The following FOCAD variants were observed in gnomAD, a reference collection of about 807,000 sequenced individuals.
The protein encoded by FOCAD is focadhesin.
Under a neutral mutation model 225.6 loss-of-function variants are expected in FOCAD, and 198 were observed. The observed-to-expected ratio is 0.88, with a 90% CI of 0.78 to 0.99. The LOEUF (loss-of-function observed/expected upper bound fraction) is 0.99. FOCAD is among the 50% of genes least tolerant of loss of function. The pLI is 0.00. For synonymous variants in FOCAD, 897 were observed against 755.0 expected, an observed-to-expected ratio of 1.19 and a Z score of -3.08; for missense variants, 2,713 against 2,123.6, an observed-to-expected ratio of 1.28 and a Z score of -5.46.
At chr9:20,880,879 T>G (rs1026675713) in intron 19 of FOCAD, among the ~76,000 whole-genome samples, 1 of 152,220 alleles carries the variant, frequency 6.6e-6, no homozygotes, top group Non-Finnish European at 1.5e-5. Context: ...TTTGTTTTTT[T>G]GTTTGTTTCT....
At chr9:20,819,337 C>T (rs577531920) in intron 11 of FOCAD, among the ~76,000 whole-genome samples, 47 of 152,144 alleles carry the variant, frequency 3.1e-4, no homozygotes, top group African/African-American at 1.1e-3. Context: ...CCTTACCTTC[C>T]CAAGTAGCTG....
At chr9:20,942,359 C>T (rs1167165810) in intron 28 of FOCAD, among the ~76,000 whole-genome samples, 2 of 152,146 alleles carry the variant, frequency 1.3e-5, no homozygotes, top group African/African-American at 4.8e-5. Context: ...CCAGGATAGC[C>T]TGAAAAGCAA....
upstream of FOCAD, chr9:20,683,683 C>T (rs542247997): frequency 4.6e-5 from 7 of 152,466 alleles, no homozygotes; most frequent in African/African-American, 1.7e-4. Context: ...GACTATCTAA[C>T]AAGTGGATAT....
At chr9:20,828,793 C>A (rs1220102395) in intron 15 of FOCAD, among the ~76,000 whole-genome samples, 1 of 152,038 alleles carries the variant, frequency 6.6e-6, no homozygotes, top group Non-Finnish European at 1.5e-5. Context: ...TCCCCGCAAC[C>A]CCTCCCCTGA....
At position 20,781,824 on chromosome 9, in the gene FOCAD, G is replaced by C; in HGVS notation, c.1092G>C (p.Leu364Phe). The C allele has an allele frequency of 1.9e-6, 3 of 1,614,028 alleles. No homozygotes were observed. The highest frequency in any genetic ancestry group is 2.5e-6 in the Non-Finnish European group (3 of 1,179,928). Residue 364 changes from leucine (L) to phenylalanine (F), a missense_variant, in exon 10 of 44, where the codon TTG (leucine) becomes TTC (phenylalanine). Coordinates refer to ENST00000338382, the MANE Select transcript of FOCAD (RefSeq NM_001375567.1). ...PILQILSSTA[L>F]EDCISVDEEG... ...TGCAGATACTATCTTCTACTGCCTTGGAAGACTGTATATCTGTGGATGAAG... is the reference window on the plus strand; with the variant it reads ...TGCAGATACTATCTTCTACTGCCTTCGAAGACTGTATATCTGTGGATGAAG...
intron 8 of FOCAD, among the ~76,000 whole-genome samples, chr9:20,774,247 C>T (rs1343898243): frequency 6.6e-6 from 1 of 152,186 alleles, no homozygotes; most frequent in Non-Finnish European, 1.5e-5. Context: ...AGGTAGTTAG[C>T]TCTAAAGGCT....
chr9:20,990,950 T>G (rs1841616887), intron 42 of FOCAD, among the ~76,000 whole-genome samples: 1 of 152,180 alleles, frequency 6.6e-6, no homozygotes, highest in South Asian at 2.1e-4. Flanking sequence ...AAACAGAGCT[T>G]TGTAAAGGTC....
At chr9:20,718,822 A>G (rs187500475) in intron 3 of FOCAD, among the ~76,000 whole-genome samples, 1,695 of 152,280 alleles carry the variant, frequency 0.011, 22 homozygotes, top group Non-Finnish European at 0.018. Context: ...ATGCTTACAC[A>G]GTCTTACCTG....
At chr9:20,697,848 T>A (rs938105650) in intron 1 of FOCAD, among the ~76,000 whole-genome samples, 2 of 152,248 alleles carry the variant, frequency 1.3e-5, no homozygotes, top group Non-Finnish European at 2.9e-5. Context: ...ACACTTGATG[T>A]TTTTCTCAGG....
At chr9:20,917,323 A>G (rs1833956930) in intron 24 of FOCAD, among the ~76,000 whole-genome samples, 1 of 152,078 alleles carries the variant, frequency 6.6e-6, no homozygotes, top group African/African-American at 2.4e-5. Context: ...CTTTTGTTCC[A>G]TTGGTGTTAT....
At chr9:20,784,570 G>A (rs1452318825) in intron 10 of FOCAD, among the ~76,000 whole-genome samples, 1 of 152,124 alleles carries the variant, frequency 6.6e-6, no homozygotes, top group East Asian at 1.9e-4. Flanking sequence ...GTACAGGAGG[G>A]CAAAATTCAT....
At chr9:20,866,004 C>T in intron 17 of FOCAD, 28 bp downstream of exon 17, 1 of 1,560,166 alleles carries the variant, frequency 6.4e-7, no homozygotes, top group African/African-American at 1.4e-5. Flanking sequence ...GTCAGTGAAT[C>T]AGAACAAAGC....
chr9:20,908,629 C>G (rs1208977044), intron 22 of FOCAD, among the ~76,000 whole-genome samples: 1 of 151,932 alleles, frequency 6.6e-6, no homozygotes, highest in Non-Finnish European at 1.5e-5. Flanking sequence ...TTGTTGTTTC[C>G]TTACTCAATT....
rs766264074 is a variant in FOCAD, at chr9:20,720,487, G to C, written c.240G>C (p.Glu80Asp). The stretch of plus-strand genomic sequence containing the variant: ...CACTCGTTGCTCAGGATCATGCAGA[G>C]TTCAGCTATGTTCTCAATGGGATAC... ...LVALVAQDHA[E>D]FSYVLNGILN... The change falls in exon 4 of 44, where the codon GAG becomes GAC. Residue 80 changes from glutamate to aspartate, a missense_variant. Glu to Asp is a conservative substitution (Grantham distance 45). Transcript: ENST00000338382. 3.2e-5 allele frequency: 52 copies of C among 1,614,090 alleles called. 2 individuals are homozygous for C. The South Asian group carries it at 5.6e-4, about 17-fold the overall frequency.
At chr9:20,756,862 G>A (rs183952480) in intron 5 of FOCAD, among the ~76,000 whole-genome samples, 1 of 152,284 alleles carries the variant, frequency 6.6e-6, no homozygotes, top group East Asian at 1.9e-4. Flanking sequence ...CTAGCTCCGT[G>A]TATGTGGTTC....
chr9:20,773,082 C>G (rs1818398718), intron 8 of FOCAD, among the ~76,000 whole-genome samples: 1 of 151,954 alleles, frequency 6.6e-6, no homozygotes, highest in South Asian at 2.1e-4. Flanking sequence ...AATGTAATAT[C>G]CATGGGTAAA....
In FOCAD at chr9:20,865,834, G is replaced by T. The variant is rs1829180759; in HGVS notation, c.2056-92G>T. On this transcript the variant is annotated intron_variant, in intron 16 of 43. Coordinates refer to ENST00000338382, the MANE Select transcript of FOCAD (RefSeq NM_001375567.1). ...TTTCTGGTGGTGTTACTTTAAAAGT[G>T]ACTTAATTTTCATTATTTGCTACTT... The T allele has an allele frequency of 7.3e-6, 6 of 817,148 alleles. No individual in the cohort carries two copies. The Admixed American group carries it at 1.1e-4, about 15-fold the overall frequency. The allele number at this position is 817,148 out of a possible 1,614,324, so 50.6% of individuals were successfully genotyped here. A position where few individuals can be genotyped will look rare whatever the true frequency, so the allele number is the denominator to read the frequency against.
chr9:20,699,544 A>T (rs1823665499), intron 1 of FOCAD, among the ~76,000 whole-genome samples: 1 of 151,096 alleles, frequency 6.6e-6, no homozygotes, highest in African/African-American at 2.4e-5. Flanking sequence ...GATTGAGACC[A>T]TCCTGGCTAA....
At chr9:20,937,264 T>G (rs1353388047) in intron 28 of FOCAD, among the ~76,000 whole-genome samples, 3 of 150,352 alleles carry the variant, frequency 2.0e-5, no homozygotes, top group African/African-American at 7.3e-5. Flanking sequence ...AGAGCCCACA[T>G]TGCCAAGTCA....
Sources: gnomAD v4.1 joint callset for allele counts (sites outside exome capture counted in the v4.1 genomes callset) on GRCh38, gnomAD v4.1.1 for gene constraint, MANE v1.5 for transcripts, NCBI Gene and HGNC (gene_info 2026-07-23, HGNC 2026-07-21) for gene names.